Variants in FOXP1 observed in about 807,000 individuals in gnomAD.
FOXP1 encodes the protein forkhead box P1.
Under a neutral mutation model 98.2 loss-of-function variants are expected in FOXP1, and 15 were observed. The observed-to-expected ratio is 0.15, with a 90% CI of 0.10 to 0.24. FOXP1 has a LOEUF of 0.24. Among genes scored for constraint, FOXP1 ranks in the 10% least tolerant of loss-of-function variants. The pLI, the probability that FOXP1 is intolerant of heterozygous loss-of-function variation, is 1.00. For missense variants in FOXP1, 633 were observed against 848.5 expected, an observed-to-expected ratio of 0.75 and a Z score of 3.15; for synonymous variants, 371 against 314.5, an observed-to-expected ratio of 1.18 and a Z score of -1.90.
chr3:71,036,097 T>C (rs1450833935), intron 11 of FOXP1, among the ~76,000 whole-genome samples: 2 of 152,160 alleles, frequency 1.3e-5, no homozygotes, highest in Non-Finnish European at 2.9e-5. Context: ...CATGGCAACA[T>C]GTCAAGAGGC....
intron 2 of FOXP1, among the ~76,000 whole-genome samples, chr3:71,515,234 A>T (rs998476033): frequency 6.6e-6 from 1 of 152,120 alleles, no homozygotes; most frequent in Non-Finnish European, 1.5e-5. Context: ...TACCCTCTGC[A>T]TCGAACCAAA....
chr3:71,318,449 C>A (rs2075207017), intron 4 of FOXP1, among the ~76,000 whole-genome samples: 1 of 152,164 alleles, frequency 6.6e-6, no homozygotes, highest in Non-Finnish European at 1.5e-5. Context: ...TATTTAATTA[C>A]ATAATTTTAA....
At chr3:71,099,042 T>C (rs563389833) in intron 7 of FOXP1, among the ~76,000 whole-genome samples, 46 of 152,344 alleles carry the variant, frequency 3.0e-4, no homozygotes, top group African/African-American at 1.0e-3. Flanking sequence ...ATGCTATGAT[T>C]ACCACATTTT....
chr3:71,397,446 T>C (rs2081611033), intron 3 of FOXP1, among the ~76,000 whole-genome samples: 1 of 152,184 alleles, frequency 6.6e-6, no homozygotes, highest in African/African-American at 2.4e-5. Context: ...CTGCCTGCGG[T>C]TCTTTGGATT....
At chr3:71,136,556 A>G (rs1041220582) in intron 6 of FOXP1, among the ~76,000 whole-genome samples, 4 of 152,220 alleles carry the variant, frequency 2.6e-5, no homozygotes, top group Non-Finnish European at 5.9e-5. Context: ...CTGCAAAATG[A>G]AAGGCAACTG....
At chr3:71,432,174 T>A (rs567034207) in intron 3 of FOXP1, among the ~76,000 whole-genome samples, 2 of 152,354 alleles carry the variant, frequency 1.3e-5, no homozygotes, top group Admixed American at 1.3e-4. Context: ...GCAACTAGGA[T>A]GGATTGAGAT....
chr3:71,149,057 GTTC>G, intron 6 of FOXP1, among the ~76,000 whole-genome samples: 1 of 152,294 alleles, frequency 6.6e-6, no homozygotes, highest in Admixed American at 6.5e-5. Context: ...GTCAATAATA[GTTC>G]TTCTGCAATT....
intron 3 of FOXP1, among the ~76,000 whole-genome samples, chr3:71,394,536 C>A (rs2081246627): frequency 1.3e-5 from 2 of 152,146 alleles, no homozygotes. Flanking sequence ...ATCAAAGATG[C>A]ATTTTTATAG....
chr3:71,211,626 A>C (rs1008853752), intron 5 of FOXP1, among the ~76,000 whole-genome samples: 1 of 152,218 alleles, frequency 6.6e-6, no homozygotes, highest in Non-Finnish European at 1.5e-5. Flanking sequence ...GCTGTTCAAC[A>C]AATTATTTTT....
intron 3 of FOXP1, among the ~76,000 whole-genome samples, chr3:71,400,882 T>C (rs1276222687): frequency 6.6e-6 from 1 of 152,062 alleles, no homozygotes; most frequent in African/African-American, 2.4e-5. Flanking sequence ...ACAAAGAAAG[T>C]AATACCCCAA....
intron 14 of FOXP1, among the ~76,000 whole-genome samples, chr3:70,979,301 A>AG (rs2038311520): frequency 2.1e-5 from 3 of 141,444 alleles, no homozygotes; most frequent in Admixed American, 7.3e-5. Flanking sequence ...AAAAAAAAAA[A>AG]AAAAAAAAAA....
At chr3:71,341,782 T>A (rs552092047) in intron 4 of FOXP1, among the ~76,000 whole-genome samples, 2 of 152,318 alleles carry the variant, frequency 1.3e-5, no homozygotes, top group African/African-American at 4.8e-5. Flanking sequence ...TCCACCAACA[T>A]ATCCTAGAGC....
chr3:71,326,284 G>A (rs1195971426), intron 4 of FOXP1, among the ~76,000 whole-genome samples: 2 of 152,188 alleles, frequency 1.3e-5, no homozygotes, highest in African/African-American at 4.8e-5. Flanking sequence ...ATAAAAAACA[G>A]TCTGCATTTG....
chr3:71,413,290 A>ACACACACACACACCCC (rs371166757), intron 3 of FOXP1, among the ~76,000 whole-genome samples: 2 of 138,526 alleles, frequency 1.4e-5, no homozygotes, highest in African/African-American at 5.4e-5. Context: ...ACACACACAC[A>ACACACACACACACCCC]CCCAAAACAG....
chr3:71,335,265 A>T (rs1334363290), intron 4 of FOXP1: 1 of 152,038 alleles, frequency 6.6e-6, no homozygotes, highest in Non-Finnish European at 1.5e-5. Context: ...AGCCTGGGCA[A>T]CACAGCAATA....
At chr3:71,146,761 G>A (rs1191519949) in intron 6 of FOXP1, among the ~76,000 whole-genome samples, 1 of 152,178 alleles carries the variant, frequency 6.6e-6, no homozygotes, top group African/African-American at 2.4e-5. Flanking sequence ...GAGACTCTGA[G>A]GCAGCAACAT....
At chr3:71,334,809 A>G (rs1025000852) in intron 4 of FOXP1, 1 of 152,258 alleles carries the variant, frequency 6.6e-6, no homozygotes, top group African/African-American at 2.4e-5. Flanking sequence ...TGAAGTTTAG[A>G]CAAAATGACT....
At chr3:71,194,923 C>T (rs1163846500) in intron 6 of FOXP1, among the ~76,000 whole-genome samples, 2 of 152,154 alleles carry the variant, frequency 1.3e-5, no homozygotes, top group East Asian at 3.8e-4. Flanking sequence ...CTAATGGCAG[C>T]ACCTCTCTTG....
At chr3:71,361,726 G>A (rs936799934) in intron 3 of FOXP1, among the ~76,000 whole-genome samples, 2 of 152,278 alleles carry the variant, frequency 1.3e-5, no homozygotes, top group East Asian at 1.9e-4. Context: ...TGCTTTCACC[G>A]CTGCTCAGGA....
Sources: gnomAD v4.1 joint callset for allele counts (sites outside exome capture counted in the v4.1 genomes callset) on GRCh38, gnomAD v4.1.1 for gene constraint, MANE v1.5 for transcripts, NCBI Gene and HGNC (gene_info 2026-07-23, HGNC 2026-07-21) for gene names.